WDR37: variants seen among roughly 807,000 people sequenced by gnomAD.
WDR37 encodes the protein WD repeat-containing protein 37.
Under a neutral mutation model 62.9 loss-of-function variants are expected in WDR37, and 19 were observed. The observed-to-expected ratio is 0.30, with a 90% CI of 0.21 to 0.44. The LOEUF (loss-of-function observed/expected upper bound fraction) is 0.44, where lower values mean the gene tolerates loss of function less well. Ranked by LOEUF, WDR37 falls within the 20% of genes least tolerant of loss-of-function variation. The pLI, the probability that WDR37 is intolerant of heterozygous loss-of-function variation, is 1.00. For synonymous variants in WDR37, 250 were observed against 260.9 expected (o/e 0.96, Z 0.40); for missense variants, 474 against 657.6 (o/e 0.72, Z 3.05).
At chr10:1,084,600 T>A (rs1383202304) in intron 6 of WDR37, 62 bp downstream of exon 6, 2 of 1,583,804 alleles carry the variant, frequency 1.3e-6, no homozygotes. Flanking sequence ...CCCTGAGTGA[T>A]GGACATTCAC....
intron 11 of WDR37, among the ~76,000 whole-genome samples, chr10:1,113,547 A>G (rs1835285317): frequency 6.6e-6 from 1 of 152,246 alleles, no homozygotes; most frequent in Admixed American, 6.5e-5. Context: ...CCTTCTGGAA[A>G]GGATTTATCA....
Position 1,093,387 on chromosome 10 carries a change from T to C in WDR37, c.605-65T>C, listed in dbSNP as rs538435051. On this transcript the variant is annotated intron_variant, in intron 7 of 13. Transcript: ENST00000263150. ...TTGACTTTGAAATACACGCTATAGCTAATAAATGTTGATAACATGTTTTTG... is the reference window on the plus strand; with the variant it reads ...TTGACTTTGAAATACACGCTATAGCCAATAAATGTTGATAACATGTTTTTG... 5.5e-6 allele frequency: 7 copies of C among 1,280,572 alleles called. 1 individual carries two copies. The South Asian group carries it at 8.8e-5, about 16-fold the overall frequency. 79.3% of individuals were successfully genotyped at this position (1,280,572 alleles called of 1,614,324 possible).
At chr10:1,066,454 G>A (rs1833557115) in intron 1 of WDR37, among the ~76,000 whole-genome samples, 1 of 152,138 alleles carries the variant, frequency 6.6e-6, no homozygotes, top group Non-Finnish European at 1.5e-5. Context: ...TTGACATGGA[G>A]GAAAGTAAGA....
At position 1,086,933 on chromosome 10, in the gene WDR37, C is replaced by T. The variant is rs758696915; in HGVS notation, c.604+576C>T. 5.9e-5 allele frequency among the ~76,000 whole-genome samples: 9 copies of T among 152,368 alleles called. No individual in the cohort carries two copies. The East Asian group carries it at 9.6e-4, about 16-fold the overall frequency. ...GCACGTGCTGTGTGGTTCCTTCCCC[C>T]GCAGTGCCCTCTTCACTTGCTCACT... On this transcript the variant is annotated intron_variant, in intron 7 of 13. Transcript: ENST00000263150.
chr10:1,126,024 G>T (rs1035121984), intron 13 of WDR37, among the ~76,000 whole-genome samples: 2 of 152,180 alleles, frequency 1.3e-5, no homozygotes, highest in African/African-American at 4.8e-5. Context: ...GCTGTGCTCT[G>T]CAGCCGGGCC....
At chr10:1,098,326 G>GTTTTTT (rs34462108) in intron 9 of WDR37, among the ~76,000 whole-genome samples, 2 of 120,298 alleles carry the variant, frequency 1.7e-5, no homozygotes, top group Non-Finnish European at 3.4e-5. Context: ...CCATCTGTCC[G>GTTTTTT]TTTTTTTTTT....
At chr10:1,112,822 G>C (rs1254941303) in intron 11 of WDR37, among the ~76,000 whole-genome samples, 1 of 152,230 alleles carries the variant, frequency 6.6e-6, no homozygotes, top group Non-Finnish European at 1.5e-5. Flanking sequence ...CGGAAGAAAA[G>C]CTGGAAGCTG....
chr10:1,103,845 G>C lies in WDR37; in HGVS notation c.961+9G>C, dbSNP rs1564508123. The stretch of plus-strand genomic sequence containing the variant: ...CGTTCACTCTCTGACAGGTGCCTGG[G>C]TTCTCTGAGTCCGCCGCCTCCTGGC... On this transcript the variant is annotated intron_variant, in intron 10 of 13. Coordinates refer to ENST00000263150, the MANE Select transcript of WDR37 (RefSeq NM_014023.4). This position sits in a 1 kb window ranked among gnomAD's most constrained non-coding sequence, Gnocchi z 6.3. The C allele has an allele frequency of 3.1e-6, 5 of 1,612,922 alleles. No individual in the cohort carries two copies. The highest frequency in any genetic ancestry group is 3.4e-6 in the Non-Finnish European group (4 of 1,179,090).
chr10:1,086,929 C>T (rs1249474231), intron 7 of WDR37, among the ~76,000 whole-genome samples: 1 of 152,236 alleles, frequency 6.6e-6, no homozygotes. Flanking sequence ...GTGGTTCCTT[C>T]CCCCGCAGTG....
chr10:1,124,322 C>A lies in WDR37; in HGVS notation c.1208C>A (p.Ala403Glu). The A allele has an allele frequency of 6.2e-7, 1 of 1,614,206 alleles. No homozygotes were observed. The highest frequency in any genetic ancestry group is 8.5e-7 in the Non-Finnish European group (1 of 1,180,058). Residue 403 changes from alanine (A) to glutamate (E), a missense_variant, in exon 12 of 14, where the codon GCA becomes GAA. Coordinates refer to ENST00000263150, the MANE Select transcript of WDR37 (RefSeq NM_014023.4). ...TTGAAAAATATGAGATCCCCCATTG[C>A]AACTATTCGCACGGACTCTGCCATT... ...WDLKNMRSPI[A>E]TIRTDSAINR...
chr10:1,082,817 C>G (rs1834072345), intron 5 of WDR37, among the ~76,000 whole-genome samples: 1 of 121,494 alleles, frequency 8.2e-6, no homozygotes, highest in African/African-American at 2.8e-5. Context: ...CAGTCAGAGC[C>G]TCTGGGAAGG....
chr10:1,075,804 C>T (rs1164343957), intron 2 of WDR37, among the ~76,000 whole-genome samples: 11 of 140,650 alleles, frequency 7.8e-5, no homozygotes, highest in South Asian at 4.4e-4. Context: ...TTTTTTGAGA[C>T]GGAGTCTCGC....
chr10:1,065,449 T>C (rs1391710634), intron 1 of WDR37, among the ~76,000 whole-genome samples: 13 of 152,038 alleles, frequency 8.6e-5, no homozygotes, highest in Non-Finnish European at 1.5e-5. Flanking sequence ...TAAAAAATGT[T>C]TACCCCACGA....
chr10:1,062,518 A>G (rs954511830), intron 1 of WDR37, among the ~76,000 whole-genome samples: 1 of 152,224 alleles, frequency 6.6e-6, no homozygotes, highest in Non-Finnish European at 1.5e-5. Context: ...AACTGAAGAT[A>G]GAGTCTCCCT....
At chr10:1,061,340 A>G (rs1018673364) in intron 1 of WDR37, among the ~76,000 whole-genome samples, 32 of 152,136 alleles carry the variant, frequency 2.1e-4, no homozygotes, top group African/African-American at 7.7e-4. Context: ...TCTTCCCATG[A>G]TACCAACCTG....
intron 11 of WDR37, among the ~76,000 whole-genome samples, chr10:1,115,248 C>T (rs1259730009): frequency 1.3e-5 from 2 of 152,258 alleles, no homozygotes. Context: ...TTGTTTTCTT[C>T]CTTTTTAATT....
At chr10:1,106,434 A>G (rs1835024972) in intron 11 of WDR37, among the ~76,000 whole-genome samples, 1 of 152,250 alleles carries the variant, frequency 6.6e-6, no homozygotes, top group African/African-American at 2.4e-5. Context: ...TCTGTTTTAT[A>G]TGTTTAACGT....
intron 8 of WDR37, 106 bp from the exon 9 acceptor site, chr10:1,096,064 C>T (rs1035791281): frequency 2.9e-6 from 3 of 1,041,896 alleles, no homozygotes; most frequent in Non-Finnish European, 4.4e-6. Flanking sequence ...TAAGTGGTCA[C>T]TAAGCTGGAA....
In WDR37 at chr10:1,121,398, C is replaced by G. The variant is rs1364212512; in HGVS notation, c.1104-2820C>G. Among the ~76,000 whole-genome samples, 1 of 152,182 alleles carries G rather than the reference C, an allele frequency of 6.6e-6. No homozygotes were observed. The highest frequency in any genetic ancestry group is 2.4e-5 in the African/African-American group (1 of 41,438). ...CCCCAGCAGCCGAAGTCCTCTAAGC[C>G]TCATTGTAACCTTCTCACTGAAGCG... On this transcript the variant is annotated intron_variant, in intron 11 of 13. Transcript: ENST00000263150. This position sits in a 1 kb window ranked among gnomAD's most constrained non-coding sequence, Gnocchi z 4.5.
Sources: gnomAD v4.1 joint callset for allele counts (sites outside exome capture counted in the v4.1 genomes callset) on GRCh38, gnomAD v4.1.1 for gene constraint, Gnocchi (gnomAD v3.1) non-coding constraint, MANE v1.5 for transcripts, NCBI Gene and HGNC (gene_info 2026-07-23, HGNC 2026-07-21) for gene names.